The following CNOT1 variants were observed in gnomAD, a reference collection of about 807,000 sequenced individuals.
CNOT1 encodes the protein CCR4-NOT transcription complex subunit 1.
In CNOT1, 15 loss-of-function variants were observed where a neutral mutation model predicts 273.8. The ratio of observed to expected loss-of-function variants is 0.05; its 90% CI spans 0.04 to 0.08. The LOEUF is 0.08. Among genes scored for constraint, CNOT1 ranks in the 10% least tolerant of loss-of-function variants. The pLI is 1.00. For missense variants in CNOT1, 1,644 were observed against 2,912.2 expected, an observed-to-expected ratio of 0.56 and a Z score of 10.02; for synonymous variants, 1,022 against 1,005.5, an observed-to-expected ratio of 1.02 and a Z score of -0.31.
At chr16:58,544,264 AAAG>A (rs1239824609) in intron 30 of CNOT1, among the ~76,000 whole-genome samples, 4 of 152,202 alleles carry the variant, frequency 2.6e-5, no homozygotes, top group African/African-American at 9.6e-5. Flanking sequence ...GAAAATGTAA[AAAG>A]AATAAAGTTT....
rs776453721 is a variant in CNOT1, at chr16:58,547,345, T to C, written c.3640-49A>G. On this transcript the variant is annotated intron_variant, in intron 26 of 48. Transcript: ENST00000317147. This position sits in a 1 kb window ranked among gnomAD's most constrained non-coding sequence, Gnocchi z 4.0. ...AAAGCGGGGAATATACCCCCCAAAATGGTATAACAAAACCAAAGAAAAGTA... is the reference window on the plus strand; with the variant it reads ...AAAGCGGGGAATATACCCCCCAAAACGGTATAACAAAACCAAAGAAAAGTA... 3.7e-6 allele frequency: 6 copies of C among 1,600,158 alleles called. No individual in the cohort carries two copies. The South Asian group carries it at 6.7e-5, about 18-fold the overall frequency.
At chr16:58,604,707 T>C (rs1402749589) in intron 1 of CNOT1, among the ~76,000 whole-genome samples, 1 of 129,428 alleles carries the variant, frequency 7.7e-6, no homozygotes, top group African/African-American at 3.0e-5. Context: ...TGAGGCAGAA[T>C]AATTGCTTGA....
intron 46 of CNOT1, 145 bp downstream of exon 46, chr16:58,525,033 TA>T: frequency 1.4e-6 from 1 of 726,166 alleles, no homozygotes; most frequent in South Asian, 1.8e-5. Flanking sequence ...CAATTAAAGA[TA>T]AAATAATCAG....
At chr16:58,535,127 G>A (rs935713674) in intron 39 of CNOT1, among the ~76,000 whole-genome samples, 1 of 152,030 alleles carries the variant, frequency 6.6e-6, no homozygotes, top group East Asian at 1.9e-4. Context: ...AGTAAAATAT[G>A]CATTAAGGCT....
At chr16:58,620,636 G>A (rs1202376017) in intron 1 of CNOT1, among the ~76,000 whole-genome samples, 3 of 130,128 alleles carry the variant, frequency 2.3e-5, no homozygotes, top group East Asian at 2.3e-4. Context: ...GTGACACAGC[G>A]AAGACTCTGT....
chr16:58,586,642 G>C lies in CNOT1; in HGVS notation c.540C>G (p.Val180=). Residue 180 remains valine (V), a synonymous_variant, in exon 7 of 49, where the codon GTC becomes GTG. Coordinates refer to ENST00000317147, the MANE Select transcript of CNOT1 (RefSeq NM_016284.5). ...EGGFQDIAIE[V]LHLLLSHLLF... ...GGAGATGGGAGAGGAGGAGGTGTAGGACCTCTATTGCTATATCTTGGAAGC... is the reference window on the plus strand; with the variant it reads ...GGAGATGGGAGAGGAGGAGGTGTAGCACCTCTATTGCTATATCTTGGAAGC... 6.2e-7 allele frequency: 1 copy of C among 1,613,112 alleles called. No individual in the cohort carries two copies. Among genetic ancestry groups the C allele is most frequent in the Non-Finnish European group, 8.5e-7 (1 of 1,179,824 alleles).
chr16:58,577,407 C>T (rs2041495299), intron 13 of CNOT1, among the ~76,000 whole-genome samples: 1 of 152,104 alleles, frequency 6.6e-6, no homozygotes, highest in Non-Finnish European at 1.5e-5. Flanking sequence ...CTGTTAAAGT[C>T]TACAATGTTA....
chr16:58,550,216 C>G (rs1457299836), intron 24 of CNOT1, among the ~76,000 whole-genome samples: 2 of 152,178 alleles, frequency 1.3e-5, no homozygotes, highest in African/African-American at 4.8e-5. Context: ...ACAGTGTAAC[C>G]AAGAATGGGG....
intron 1 of CNOT1, among the ~76,000 whole-genome samples, chr16:58,610,834 C>A (rs1279149921): frequency 1.3e-5 from 2 of 151,644 alleles, no homozygotes; most frequent in African/African-American, 2.4e-5. Context: ...CAGAGTGAGA[C>A]TCCGTCTCAA....
Position 58,551,702 on chromosome 16 carries a change from C to A in CNOT1, c.3088G>T (p.Ala1030Ser). 3 of 1,614,160 alleles carry A rather than the reference C, an allele frequency of 1.9e-6. No homozygotes were observed. Among genetic ancestry groups the A allele is most frequent in the Non-Finnish European group, 1.7e-6 (2 of 1,180,040 alleles). Residue 1030 changes from alanine (A) to serine (S), a missense_variant, in exon 23 of 49, where the codon GCT becomes TCT. Coordinates refer to ENST00000317147, the MANE Select transcript of CNOT1 (RefSeq NM_016284.5). Reference protein sequence around the residue: ...AQAQAQVPAKAPLAGQVSTMV... With the variant: ...AQAQAQVPAKSPLAGQVSTMV... ...GTGCTAACTTGACCAGCAAGAGGAG[C>A]TTTTGCTGGAACCTGGGCCTGAGCC...
In CNOT1 at chr16:58,572,009, C is replaced by A. The variant is rs113559734; in HGVS notation, c.1979+2600G>T. ...TAAAAATAAAAAAAATTGGGCTGGG[C>A]GTGGTGGTTCACACCTGTAATCTCA... On this transcript the variant is annotated intron_variant, in intron 16 of 48. Transcript: ENST00000317147. Among the ~76,000 whole-genome samples, 412 of 152,106 alleles carry A rather than the reference C, an allele frequency of 2.7e-3. 2 individuals carry two copies. Among genetic ancestry groups the A allele is most frequent in the African/African-American group, 9.3e-3 (388 of 41,504 alleles).
At position 58,551,244 on chromosome 16, in the gene CNOT1, G is replaced by A; in HGVS notation, c.3230C>T (p.Thr1077Met). Reference protein sequence around the residue: ...PPSINTTNIDTLLVATDQTER... With the variant: ...PPSINTTNIDMLLVATDQTER... Reference sequence around the variant, plus strand: ...AGTTTGATCTGTGGCCACAAGCAACGTATCTATATTTGTAGTATTAATAGA... The same window carrying A: ...AGTTTGATCTGTGGCCACAAGCAACATATCTATATTTGTAGTATTAATAGA... The change falls in exon 24 of 49, where the codon ACG becomes ATG. Residue 1077 changes from threonine (T) to methionine (M), a missense_variant. This residue lies in a region of CNOT1 where 124 missense variants were observed against 289.3 expected (regional missense o/e 0.43). Coordinates refer to ENST00000317147, the MANE Select transcript of CNOT1 (RefSeq NM_016284.5). 6.3e-7 allele frequency: 1 copy of A among 1,597,962 alleles called. No homozygotes were observed. The highest frequency in any genetic ancestry group is 8.5e-7 in the Non-Finnish European group (1 of 1,176,196).
chr16:58,621,074 TCAC>T (rs2043294138), intron 1 of CNOT1, among the ~76,000 whole-genome samples: 1 of 151,904 alleles, frequency 6.6e-6, no homozygotes, highest in Non-Finnish European at 1.5e-5. Flanking sequence ...AGTGCAATGA[TCAC>T]AGCCCACTGC....
chr16:58,555,411 G>A lies in CNOT1; in HGVS notation c.2731C>T (p.His911Tyr), dbSNP rs1200373012. Reference sequence around the variant, plus strand: ...CCACCAAATAGGCAGGCTGTTATATGTAACTCTTTATCAGGATACTGGGGA... The same window carrying A: ...CCACCAAATAGGCAGGCTGTTATATATAACTCTTTATCAGGATACTGGGGA... ...FFPQYPDKEL[H>Y]ITACLFGGII... is the part of the protein sequence containing the mutation. The change falls in exon 21 of 49, where the codon CAT (histidine) becomes TAT (tyrosine). Residue 911 changes from histidine to tyrosine, a missense_variant. Coordinates refer to ENST00000317147, the MANE Select transcript of CNOT1 (RefSeq NM_016284.5). 1.9e-6 allele frequency: 3 copies of A among 1,614,078 alleles called. No individual in the cohort carries two copies. Among genetic ancestry groups the A allele is most frequent in the South Asian group, 1.1e-5 (1 of 91,084 alleles).
chr16:58,523,334 C>CT, intron 47 of CNOT1, 36 bp downstream of exon 47: 1 of 1,552,306 alleles, frequency 6.4e-7, no homozygotes, highest in African/African-American at 1.4e-5. Context: ...GGAGGAGATC[C>CT]TTTTGAAGCA....
intron 35 of CNOT1, 128 bp from the exon 36 acceptor site, chr16:58,539,042 C>T (rs920143276): frequency 7.3e-6 from 10 of 1,373,000 alleles, no homozygotes; most frequent in Admixed American, 5.3e-5. Context: ...TTTCCACTCT[C>T]CAAACATCCC....
intron 1 of CNOT1, among the ~76,000 whole-genome samples, chr16:58,602,948 C>T (rs1597573030): frequency 2.0e-5 from 3 of 152,074 alleles, no homozygotes; most frequent in Non-Finnish European, 4.4e-5. Context: ...CAAAGCACTC[C>T]CCATCTCAGT....
chr16:58,584,044 T>C (rs2041750981), intron 8 of CNOT1, among the ~76,000 whole-genome samples: 1 of 151,028 alleles, frequency 6.6e-6, no homozygotes, highest in Admixed American at 6.6e-5. Flanking sequence ...GGCGCTCACC[T>C]GTAGTCCCAG....
At position 58,547,456 on chromosome 16, in the gene CNOT1, G is replaced by A. The variant is rs2040294055; in HGVS notation, c.3639+110C>T. The A allele has an allele frequency of 2.0e-6, 3 of 1,504,130 alleles. No homozygotes were observed. The highest frequency in any genetic ancestry group is 2.7e-6 in the Non-Finnish European group (3 of 1,119,138). The allele number at this position is 1,504,130 out of a possible 1,614,324, so 93.2% of individuals were successfully genotyped here. A position where few individuals can be genotyped will look rare whatever the true frequency, so the allele number is the denominator to read the frequency against. ...AAGGGGTTAACAACTCAAAACGTGG[G>A]CCAAAATCTTACAAAACCCCAATAA... On this transcript the variant is annotated intron_variant, in intron 26 of 48. Coordinates refer to ENST00000317147, the MANE Select transcript of CNOT1 (RefSeq NM_016284.5). The surrounding 1 kb of genome is among the most constrained non-coding windows in gnomAD (Gnocchi z 4.0).
Sources: allele counts gnomAD v4.1 joint callset (sites outside exome capture counted in the v4.1 genomes callset), GRCh38; gene constraint gnomAD v4.1.1; regional missense constraint gnomAD v4.1.1; non-coding constraint Gnocchi (gnomAD v3.1); transcripts MANE v1.5; gene names NCBI Gene and HGNC (gene_info 2026-07-23, HGNC 2026-07-21).